The following SEPTIN7 variants were observed in gnomAD, a reference collection of about 807,000 sequenced individuals.
SEPTIN7 encodes septin-7.
SEPTIN7 carries 10 observed loss-of-function variants against 63.3 expected under a neutral mutation model. The observed-to-expected ratio is 0.16, with a 90% CI of 0.10 to 0.27. The LOEUF is 0.27. Among genes scored for constraint, SEPTIN7 ranks in the 10% least tolerant of loss-of-function variants. The pLI is 1.00. For missense variants in SEPTIN7, 310 were observed against 521.0 expected (o/e 0.59, Z 3.94); for synonymous variants, 131 against 165.3 (o/e 0.79, Z 1.59).
At chr7:35,914,535 G>C in the SEPTIN7 span, among the ~76,000 whole-genome samples, 1 of 152,070 alleles carries the variant, frequency 6.6e-6, no homozygotes, top group Non-Finnish European at 1.5e-5. Flanking sequence ...TCTCCACACT[G>C]ATGGCTGGAG....
intron 3 of SEPTIN7, among the ~76,000 whole-genome samples, chr7:35,856,251 G>A (rs1248501193): frequency 5.3e-5 from 8 of 152,130 alleles, no homozygotes; most frequent in Non-Finnish European, 1.0e-4. Context: ...ATTCTTTTTA[G>A]ATTGGCTTCT....
chr7:35,869,260 T>G (rs1785999180), intron 4 of SEPTIN7, among the ~76,000 whole-genome samples: 1 of 152,192 alleles, frequency 6.6e-6, no homozygotes, highest in Admixed American at 6.5e-5. Context: ...GGATCAACTT[T>G]CTTAGTAAAG....
intron 1 of SEPTIN7, among the ~76,000 whole-genome samples, chr7:35,806,288 GA>G (rs771773228): frequency 1.3e-4 from 20 of 152,152 alleles, no homozygotes; most frequent in Non-Finnish European, 2.8e-4. Context: ...AAATTACCTA[GA>G]TTTTTTTGTA....
chr7:35,890,166 C>G (rs1787546126), intron 10 of SEPTIN7, among the ~76,000 whole-genome samples: 3 of 152,106 alleles, frequency 2.0e-5, no homozygotes, highest in Non-Finnish European at 2.9e-5. Context: ...ACCACTTTCA[C>G]TAGACAGTTT....
intron 4 of SEPTIN7, among the ~76,000 whole-genome samples, chr7:35,867,652 CA>C (rs1376412810): frequency 6.6e-6 from 1 of 152,120 alleles, no homozygotes; most frequent in Non-Finnish European, 1.5e-5. Context: ...GCCTGGCCTG[CA>C]TTTGAAAATT....
At chr7:35,827,597 T>G (rs1331086160) in intron 1 of SEPTIN7, among the ~76,000 whole-genome samples, 1 of 152,116 alleles carries the variant, frequency 6.6e-6, no homozygotes. Context: ...TTCAAGTGAT[T>G]CTCCTGCCTC....
At chr7:35,842,217 C>G (rs965166996) in intron 3 of SEPTIN7, among the ~76,000 whole-genome samples, 1 of 151,992 alleles carries the variant, frequency 6.6e-6, no homozygotes, top group Non-Finnish European at 1.5e-5. Flanking sequence ...GGATATTGTA[C>G]TTGTTTCACT....
chr7:35,806,887 T>C (rs1035682235), intron 1 of SEPTIN7, among the ~76,000 whole-genome samples: 1 of 152,248 alleles, frequency 6.6e-6, no homozygotes, highest in Non-Finnish European at 1.5e-5. Flanking sequence ...CAGATTCTCA[T>C]AGTGTTTCAC....
chr7:35,886,731 C>T (rs192392746), intron 10 of SEPTIN7, among the ~76,000 whole-genome samples: 2 of 152,048 alleles, frequency 1.3e-5, no homozygotes, highest in Non-Finnish European at 2.9e-5. Context: ...TTTCCCAAAA[C>T]ATAAGAATCT....
At chr7:35,878,647 A>G (rs1786628909) in intron 6 of SEPTIN7, among the ~76,000 whole-genome samples, 1 of 152,222 alleles carries the variant, frequency 6.6e-6, no homozygotes, top group South Asian at 2.1e-4. Flanking sequence ...ATATACATAC[A>G]TCATGCATAC....
chr7:35,821,880 A>G (rs1229556718), intron 1 of SEPTIN7, among the ~76,000 whole-genome samples: 1 of 151,670 alleles, frequency 6.6e-6, no homozygotes, highest in East Asian at 2.0e-4. Flanking sequence ...CGGGGTTCAG[A>G]TGATTCTCCT....
At chr7:35,813,444 A>G (rs977052089) in intron 1 of SEPTIN7, among the ~76,000 whole-genome samples, 1 of 150,100 alleles carries the variant, frequency 6.7e-6, no homozygotes, top group Non-Finnish European at 1.5e-5. Flanking sequence ...TGCAACCTCC[A>G]CCTCCTGGGT....
At chr7:35,863,013 T>C (rs1785596083) in intron 3 of SEPTIN7, among the ~76,000 whole-genome samples, 1 of 152,108 alleles carries the variant, frequency 6.6e-6, no homozygotes, top group African/African-American at 2.4e-5. Context: ...TTTTGGATTC[T>C]GGTTTGGGAG....
intron 1 of SEPTIN7, among the ~76,000 whole-genome samples, chr7:35,814,809 A>G (rs940946836): frequency 6.6e-6 from 1 of 152,000 alleles, no homozygotes; most frequent in Non-Finnish European, 1.5e-5. Flanking sequence ...CCCCGTCTCT[A>G]CTAAAAATAC....
chr7:35,910,464 A>G (rs1019128716), downstream of SEPTIN7, among the ~76,000 whole-genome samples: 2 of 152,214 alleles, frequency 1.3e-5, no homozygotes. Flanking sequence ...GTTTTTACAG[A>G]TGGGTCTAGT....
intron 10 of SEPTIN7, among the ~76,000 whole-genome samples, chr7:35,886,334 G>C (rs548361970): frequency 1.3e-5 from 2 of 152,262 alleles, no homozygotes; most frequent in East Asian, 3.9e-4. Context: ...ATTCCTACCA[G>C]GTGAGAAATC....
intron 3 of SEPTIN7, among the ~76,000 whole-genome samples, chr7:35,856,464 A>C (rs767976859): frequency 6.6e-6 from 1 of 152,166 alleles, no homozygotes; most frequent in Non-Finnish European, 1.5e-5. Context: ...TTTGTTTTTA[A>C]CTTAGCTGGG....
chr7:35,845,147 T>TA (rs1784595668), intron 3 of SEPTIN7, among the ~76,000 whole-genome samples: 1 of 152,036 alleles, frequency 6.6e-6, no homozygotes, highest in Non-Finnish European at 1.5e-5. Context: ...TGGAGATACT[T>TA]ACACAGGAAT....
chr7:35,838,310 C>T (rs191132274), intron 3 of SEPTIN7, among the ~76,000 whole-genome samples: 5 of 1,358 alleles, frequency 3.7e-3, no homozygotes, highest in African/African-American at 0.017. Context: ...CCTTCCCTCC[C>T]TCCCTCCCTC....
Sources: gnomAD v4.1 joint callset for allele counts (sites outside exome capture counted in the v4.1 genomes callset) on GRCh38, gnomAD v4.1.1 for gene constraint, MANE v1.5 for transcripts, NCBI Gene and HGNC (gene_info 2026-07-23, HGNC 2026-07-21) for gene names.